Variants in ARHGEF17 observed in about 807,000 individuals in gnomAD.
ARHGEF17 encodes Rho guanine nucleotide exchange factor 17, also known as 164 kDa Rho-specific guanine-nucleotide exchange factor.
A neutral mutation model predicts 174.0 loss-of-function variants in ARHGEF17; 80 were observed. The ratio of observed to expected loss-of-function variants is 0.46; its 90% CI spans 0.38 to 0.55. The LOEUF is 0.55. Ranked by LOEUF, ARHGEF17 falls within the 20% of genes least tolerant of loss-of-function variation. The pLI is 0.00. For synonymous variants in ARHGEF17, 1,311 were observed against 1,189.1 expected (o/e 1.10, Z -2.11); for missense variants, 2,886 against 2,839.7 (o/e 1.02, Z -0.37).
chr11:73,362,826 G>C, intron 14 of ARHGEF17, 92 bp downstream of exon 14: 1 of 1,457,678 alleles, frequency 6.9e-7, no homozygotes, highest in Non-Finnish European at 9.2e-7. Flanking sequence ...TAGGGCAAAG[G>C]CATGGCGTCA....
At chr11:73,362,945 G>A (rs955331379) in intron 14 of ARHGEF17, among the ~76,000 whole-genome samples, 1 of 152,236 alleles carries the variant, frequency 6.6e-6, no homozygotes, top group Non-Finnish European at 1.5e-5. Context: ...GGAGCACTCA[G>A]CTAAGGAAGA....
intron 2 of ARHGEF17, among the ~76,000 whole-genome samples, chr11:73,350,276 C>T (rs896778426): frequency 3.3e-5 from 5 of 152,144 alleles, no homozygotes; most frequent in African/African-American, 4.8e-5. Flanking sequence ...CACTGAGTGC[C>T]CACTATGTGC....
chr11:73,311,498 T>C lies in ARHGEF17; in HGVS notation c.2860T>C (p.Ser954Pro). The change falls in exon 1 of 21, where the codon TCC becomes CCC. Residue 954 changes from serine to proline, a missense_variant. This residue lies in a region of ARHGEF17 where 1,728 missense variants were observed against 1,461.2 expected (regional missense o/e 1.18). Transcript: ENST00000263674. ...CAGCCTGTCTCGGGCCCGGCCCTCCTCCAGACACGTTCGCCATGCCAGTGT... is the reference window on the plus strand; with the variant it reads ...CAGCCTGTCTCGGGCCCGGCCCTCCCCCAGACACGTTCGCCATGCCAGTGT... Reference protein sequence around the residue: ...TGSLSRARPSSRHVRHASVPA... With the variant: ...TGSLSRARPSPRHVRHASVPA... 1.2e-6 allele frequency: 2 copies of C among 1,613,060 alleles called. No homozygotes were observed. The highest frequency in any genetic ancestry group is 1.7e-6 in the Non-Finnish European group (2 of 1,180,016).
chr11:73,319,065 CT>C (rs60978188), intron 1 of ARHGEF17, among the ~76,000 whole-genome samples: 9,292 of 139,172 alleles, frequency 0.067, 278 homozygotes, highest in Non-Finnish European at 0.098. Flanking sequence ...CTTCCTCCGT[CT>C]TTTTTTTTTT....
rs1439459860 is a variant in ARHGEF17 at position 73,310,040 on chromosome 11, G to T, written c.1402G>T (p.Ala468Ser). ...QRKSLSNPDIASETLTLLSFL... is the reference protein window; with the variant it reads ...QRKSLSNPDISSETLTLLSFL... ...GAAGTCCCTGTCAAATCCAGATATC[G>T]CCTCAGAGACCCTGACGCTTCTCAG... The change falls in exon 1 of 21, where the codon GCC becomes TCC. Residue 468 changes from alanine (A) to serine (S), a missense_variant. Ala to Ser is a moderately conservative substitution (Grantham distance 99). This residue lies in a region of ARHGEF17 where 1,728 missense variants were observed against 1,461.2 expected (regional missense o/e 1.18). Coordinates refer to ENST00000263674, the MANE Select transcript of ARHGEF17 (RefSeq NM_014786.4). 1 of 1,614,028 alleles carries T rather than the reference G, an allele frequency of 6.2e-7. No individual in the cohort carries two copies. Among genetic ancestry groups the T allele is most frequent in the Non-Finnish European group, 8.5e-7 (1 of 1,180,018 alleles).
At chr11:73,340,411 C>T (rs1156616334) in intron 1 of ARHGEF17, among the ~76,000 whole-genome samples, 7 of 152,172 alleles carry the variant, frequency 4.6e-5, no homozygotes, top group African/African-American at 7.2e-5. Flanking sequence ...TGCCATGCCT[C>T]CTCCAGGAAG....
At chr11:73,312,277 A>G (rs1032172634) in intron 1 of ARHGEF17, among the ~76,000 whole-genome samples, 2 of 152,182 alleles carry the variant, frequency 1.3e-5, no homozygotes, top group Non-Finnish European at 2.9e-5. Context: ...CACAGTTGAC[A>G]TGGGTTTGCC....
intron 9 of ARHGEF17, among the ~76,000 whole-genome samples, chr11:73,358,353 C>T (rs563348127): frequency 6.6e-6 from 1 of 152,272 alleles, no homozygotes; most frequent in East Asian, 1.9e-4. Context: ...TCTATGTGTC[C>T]TCACTTGGCA....
intron 2 of ARHGEF17, among the ~76,000 whole-genome samples, chr11:73,347,718 G>A (rs1259998366): frequency 6.6e-6 from 1 of 152,244 alleles, no homozygotes; most frequent in Non-Finnish European, 1.5e-5. Flanking sequence ...GATGATCAGC[G>A]AAGGGCTTTG....
At position 73,365,632 on chromosome 11, in the gene ARHGEF17, C is replaced by T. The variant is rs1269284424; in HGVS notation, c.5726-46C>T. The T allele has an allele frequency of 1.2e-6, 2 of 1,607,494 alleles. No individual in the cohort carries two copies. Among genetic ancestry groups the T allele is most frequent in the Non-Finnish European group, 1.7e-6 (2 of 1,174,778 alleles). On this transcript the variant is annotated intron_variant, in intron 19 of 20. Transcript: ENST00000263674. This position sits in a 1 kb window ranked among gnomAD's most constrained non-coding sequence, Gnocchi z 4.9. ...CTGCCCGATCGTAGAGGCGGCTGAGCCAGGGCCAGAATTCAGCCCCAGCTG... is the reference window on the plus strand; with the variant it reads ...CTGCCCGATCGTAGAGGCGGCTGAGTCAGGGCCAGAATTCAGCCCCAGCTG...
chr11:73,365,246 G>GA lies in ARHGEF17; in HGVS notation c.5551-141dup. The GA allele has an allele frequency of 1.1e-6, 1 of 882,076 alleles. No individual in the cohort carries two copies. Among genetic ancestry groups the GA allele is most frequent in the Non-Finnish European group, 1.7e-6 (1 of 580,106 alleles). 54.6% of individuals were successfully genotyped at this position (882,076 alleles called of 1,614,324 possible). A position where few individuals can be genotyped will look rare whatever the true frequency, so the allele number is the denominator to read the frequency against. On this transcript the variant is annotated intron_variant, in intron 18 of 20. Coordinates refer to ENST00000263674, the MANE Select transcript of ARHGEF17 (RefSeq NM_014786.4). The surrounding 1 kb of genome is among the most constrained non-coding windows in gnomAD (Gnocchi z 4.9). ...GAGAACTAAGTTGGGAGGTGCTGGT[G>GA]AAACCAAGCTTCGAAAGGTTAATCA... is the stretch of plus-strand genomic sequence containing the variant.
At chr11:73,323,502 C>T (rs1031424266) in intron 1 of ARHGEF17, among the ~76,000 whole-genome samples, 2 of 152,214 alleles carry the variant, frequency 1.3e-5, no homozygotes, top group Admixed American at 1.3e-4. Flanking sequence ...GCCCCGCAGC[C>T]CTGGAGGCCT....
intron 1 of ARHGEF17, among the ~76,000 whole-genome samples, chr11:73,330,957 C>G (rs1038260448): frequency 6.6e-6 from 1 of 152,216 alleles, no homozygotes; most frequent in African/African-American, 2.4e-5. Flanking sequence ...GGCCCTCTGC[C>G]AGCCCTCTGG....
At chr11:73,342,856 G>A (rs2134408368) in intron 1 of ARHGEF17, 1 of 154,214 alleles carries the variant, frequency 6.5e-6, no homozygotes, top group African/African-American at 2.4e-5. Context: ...GGGGAGATGG[G>A]GCGGCGCGGA....
Position 73,357,013 on chromosome 11 carries a change from T to G in ARHGEF17, c.3892-12T>G. On this transcript the variant is annotated splice_polypyrimidine_tract_variant and intron_variant, in intron 7 of 20. Transcript: ENST00000263674. ...TGTCCACCCAGCCTGAATTCTGCCT[T>G]GGGCTCCACAGAAGGCGATCGGTGG... 6.2e-7 allele frequency: 1 copy of G among 1,613,904 alleles called. No homozygotes were observed. Among genetic ancestry groups the G allele is most frequent in the Non-Finnish European group, 8.5e-7 (1 of 1,179,852 alleles).
Position 73,343,454 on chromosome 11 carries a change from G to C in ARHGEF17, c.3193-3429G>C, listed in dbSNP as rs540358552. ...AGGAACCCTGGCAGGCGGTGGTGTG[G>C]CTGGCAGGGCGCTGAGGGTCAAGGC... On this transcript the variant is annotated intron_variant, in intron 1 of 20. Coordinates refer to ENST00000263674, the MANE Select transcript of ARHGEF17 (RefSeq NM_014786.4). Among the ~76,000 whole-genome samples, 3 of 152,254 alleles carry C rather than the reference G, an allele frequency of 2.0e-5. No homozygotes were observed. In the South Asian group the frequency reaches 6.2e-4, roughly 32 times the overall value.
chr11:73,330,251 C>G (rs896196192), intron 1 of ARHGEF17, among the ~76,000 whole-genome samples: 5 of 152,110 alleles, frequency 3.3e-5, no homozygotes, highest in Non-Finnish European at 7.4e-5. Flanking sequence ...TTTTACTATG[C>G]AGAAGGTTTT....
chr11:73,352,588 A>G (rs751523382), intron 2 of ARHGEF17, among the ~76,000 whole-genome samples: 1 of 152,156 alleles, frequency 6.6e-6, no homozygotes, highest in East Asian at 1.9e-4. Context: ...ACATTAAACA[A>G]ACCTCTTCCT....
At position 73,367,663 on chromosome 11, in the gene ARHGEF17, G is replaced by A. The variant is rs377199777; in HGVS notation, c.6075G>A (p.Leu2025=). ...RGPAPARPKM[L]VISGGDGYED... is the part of the protein sequence containing the mutation. ...CCGCCCCTGCCAGGCCTAAAATGCT[G>A]GTTATCAGTGGAGGTGATGGCTATG... is the stretch of plus-strand genomic sequence containing the variant. Residue 2025 remains leucine (L), a synonymous_variant, in exon 21 of 21, where the codon CTG becomes CTA. Transcript: ENST00000263674. 96 of 1,614,108 alleles carry A rather than the reference G, an allele frequency of 5.9e-5. No individual in the cohort carries two copies. The highest frequency in any genetic ancestry group is 7.3e-5 in the Non-Finnish European group (86 of 1,180,004).
Sources: allele counts gnomAD v4.1 joint callset (sites outside exome capture counted in the v4.1 genomes callset), GRCh38; gene constraint gnomAD v4.1.1; regional missense constraint gnomAD v4.1.1; non-coding constraint Gnocchi (gnomAD v3.1); transcripts MANE v1.5; gene names NCBI Gene and HGNC (gene_info 2026-07-23, HGNC 2026-07-21).